The following SLC9C1 variants were observed in gnomAD, a reference collection of about 807,000 sequenced individuals.
SLC9C1 encodes solute carrier family 9 member C1, also known as sodium/hydrogen exchanger 10.
SLC9C1 carries 97 observed loss-of-function variants against 140.9 expected under a neutral mutation model. The ratio of observed to expected loss-of-function variants is 0.69; its 90% CI spans 0.58 to 0.82. The LOEUF is 0.82. Ranked by LOEUF, SLC9C1 falls within the 40% of genes least tolerant of loss-of-function variation. The pLI is 0.00. For missense variants in SLC9C1, 1,340 were observed against 1,389.3 expected (o/e 0.96, Z 0.56); for synonymous variants, 440 against 442.6 (o/e 0.99, Z 0.07).
At chr3:112,229,523 G>T (rs2078765793) in intron 13 of SLC9C1, among the ~76,000 whole-genome samples, 1 of 151,826 alleles carries the variant, frequency 6.6e-6, no homozygotes, top group Non-Finnish European at 1.5e-5. Context: ...TTTCATATTA[G>T]AATAAAATAT....
At chr3:112,191,843 C>A (rs2077667434) in intron 20 of SLC9C1, among the ~76,000 whole-genome samples, 1 of 151,808 alleles carries the variant, frequency 6.6e-6, no homozygotes. Flanking sequence ...TTTCAAATAT[C>A]TCAGAATTAT....
At chr3:112,256,289 G>T (rs2079604251) in intron 10 of SLC9C1, among the ~76,000 whole-genome samples, 1 of 151,962 alleles carries the variant, frequency 6.6e-6, no homozygotes, top group African/African-American at 2.4e-5. Context: ...AAAACTTAAG[G>T]CCAATATGCT....
chr3:112,159,845 G>A (rs377090589), intron 26 of SLC9C1, among the ~76,000 whole-genome samples: 7 of 151,376 alleles, frequency 4.6e-5, no homozygotes, highest in South Asian at 4.2e-4. Flanking sequence ...TAAAGATTTC[G>A]ATTTAAGGTC....
At chr3:112,163,737 AT>A (rs1457139805) in intron 26 of SLC9C1, among the ~76,000 whole-genome samples, 4 of 152,094 alleles carry the variant, frequency 2.6e-5, no homozygotes, top group Non-Finnish European at 5.9e-5. Context: ...GCTGAAAAAA[AT>A]GTATATTCTG....
Position 112,245,631 on chromosome 3 carries a change from C to T in SLC9C1, c.1198-1555G>A, listed in dbSNP as rs534910048. Reference sequence around the variant, plus strand: ...GAATTACTGTATTTTTATAATAAGTCCTGATATCAGATAGTATAAGTCCTT... The same window carrying T: ...GAATTACTGTATTTTTATAATAAGTTCTGATATCAGATAGTATAAGTCCTT... On this transcript the variant is annotated intron_variant, in intron 10 of 28. Transcript: ENST00000305815. Among the ~76,000 whole-genome samples the T allele has an allele frequency of 9.8e-4, 149 of 151,802 alleles. 1 individual carries two copies. The highest frequency in any genetic ancestry group is 1.5e-3 in the Non-Finnish European group (102 of 67,970).
intron 21 of SLC9C1, 125 bp from the exon 22 acceptor site, chr3:112,180,787 G>A: frequency 1.4e-6 from 1 of 713,390 alleles, no homozygotes; most frequent in South Asian, 1.7e-5. Context: ...CCATACTGGA[G>A]TGCAGTGGTG....
Position 112,223,603 on chromosome 3 carries a change from GAAAC to G in SLC9C1, c.1573-2382_1573-2379del, listed in dbSNP as rs1411076351. On this transcript the variant is annotated intron_variant, in intron 13 of 28. Coordinates refer to ENST00000305815, the MANE Select transcript of SLC9C1 (RefSeq NM_183061.3). Reference sequence around the variant, plus strand: ...AAGAATGATATATCTCAATACAAAAGAAACAAAGAAAGGAAAGCAGGCAGGCAAA... The same window carrying G: ...AAGAATGATATATCTCAATACAAAAGAAAGAAAGGAAAGCAGGCAGGCAAA... Among the ~76,000 whole-genome samples, 9 of 151,532 alleles carry G rather than the reference GAAAC, an allele frequency of 5.9e-5. No individual in the cohort carries two copies. In the South Asian group the frequency reaches 6.3e-4, roughly 11 times the overall value.
At chr3:112,144,019 T>C (rs1331919106) in intron 28 of SLC9C1, among the ~76,000 whole-genome samples, 1 of 152,124 alleles carries the variant, frequency 6.6e-6, no homozygotes, top group Non-Finnish European at 1.5e-5. Context: ...CTTTCCCCAT[T>C]GCTTGTATTG....
chr3:112,292,094 A>C (rs2080700797), intron 1 of SLC9C1, among the ~76,000 whole-genome samples: 1 of 152,198 alleles, frequency 6.6e-6, no homozygotes, highest in Non-Finnish European at 1.5e-5. Flanking sequence ...ATAGAGGGGA[A>C]TACACTGGGG....
chr3:112,282,283 C>G (rs772764108), intron 2 of SLC9C1, among the ~76,000 whole-genome samples: 18 of 152,140 alleles, frequency 1.2e-4, no homozygotes, highest in Non-Finnish European at 2.5e-4. Flanking sequence ...CAATGGTTAC[C>G]AAGATACAGA....
At position 112,168,926 on chromosome 3, in the gene SLC9C1, AACAG is replaced by A; in HGVS notation, c.3184_3187del (p.Leu1062TyrfsTer10). 1.2e-6 allele frequency: 2 copies of A among 1,605,032 alleles called. No homozygotes were observed. The highest frequency in any genetic ancestry group is 1.7e-6 in the Non-Finnish European group (2 of 1,177,562). ...GAAAGGTGCTCTATAAGTTTTTCGT[AACAG>A]ACAATCTTCTACAGCTCCATGTATG... On this transcript the variant is annotated frameshift_variant, in exon 25 of 29. Coordinates refer to ENST00000305815, the MANE Select transcript of SLC9C1 (RefSeq NM_183061.3). LOFTEE classifies it high-confidence loss of function.
chr3:112,259,987 T>A (rs2079726294), intron 10 of SLC9C1, among the ~76,000 whole-genome samples: 1 of 152,168 alleles, frequency 6.6e-6, no homozygotes, highest in Non-Finnish European at 1.5e-5. Flanking sequence ...TCAATTGATA[T>A]AATTTCCATA....
intron 12 of SLC9C1, among the ~76,000 whole-genome samples, chr3:112,237,911 C>T (rs2131235): frequency 0.59 from 89,846 of 151,846 alleles, 27,106 homozygotes; most frequent in East Asian, 0.79. Flanking sequence ...ATTTCAACTT[C>T]GGTGAATCTG....
At chr3:112,294,018 G>A (rs1475685866) in intron 1 of SLC9C1, 75 bp downstream of exon 1, 1 of 152,146 alleles carries the variant, frequency 6.6e-6, no homozygotes, top group Admixed American at 6.6e-5. Flanking sequence ...TCATCTAGGA[G>A]GCGAGACTGA....
chr3:112,277,281 A>G lies in SLC9C1; in HGVS notation c.484+414T>C, dbSNP rs1026389415. Among the ~76,000 whole-genome samples the G allele has an allele frequency of 2.0e-5, 3 of 152,144 alleles. No homozygotes were observed. The South Asian group carries it at 6.2e-4, about 32-fold the overall frequency. On this transcript the variant is annotated intron_variant, in intron 5 of 28. Transcript: ENST00000305815. ...TAGGCTTTCAGTCTTGATGATGACA[A>G]TGACTCCAAAAGCAAAATATTTTTA...
chr3:112,204,132 C>A, intron 17 of SLC9C1, 86 bp downstream of exon 17: 2 of 1,292,332 alleles, frequency 1.5e-6, no homozygotes, highest in Non-Finnish European at 2.0e-6. Context: ...AATATGTTAA[C>A]CATAAAACTA....
chr3:112,163,809 A>T (rs1164641749), intron 26 of SLC9C1, among the ~76,000 whole-genome samples: 1 of 152,022 alleles, frequency 6.6e-6, no homozygotes, highest in Non-Finnish European at 1.5e-5. Flanking sequence ...AGAGCTGAGT[A>T]CAATTCCTGG....
intron 18 of SLC9C1, 60 bp from the exon 19 acceptor site, chr3:112,200,822 A>C: frequency 7.1e-7 from 1 of 1,408,146 alleles, no homozygotes; most frequent in Non-Finnish European, 9.9e-7. Context: ...AAATGTCCTT[A>C]CATTTGCAAC....
chr3:112,141,827 A>G (rs568992426), intron 28 of SLC9C1, among the ~76,000 whole-genome samples: 2 of 152,324 alleles, frequency 1.3e-5, no homozygotes, highest in South Asian at 4.1e-4. Context: ...CCATAATTAA[A>G]TAACTTGTAT....
Sources: allele counts gnomAD v4.1 joint callset (sites outside exome capture counted in the v4.1 genomes callset), GRCh38; gene constraint gnomAD v4.1.1; transcripts MANE v1.5; gene names NCBI Gene and HGNC (gene_info 2026-07-23, HGNC 2026-07-21).